The following AOX1 variants were observed in gnomAD, a reference collection of about 807,000 sequenced individuals.
The protein encoded by AOX1 is aldehyde oxidase 1.
AOX1 carries 153 observed loss-of-function variants against 169.5 expected under a neutral mutation model. The ratio of observed to expected loss-of-function variants is 0.90; its 90% CI spans 0.79 to 1.03. The LOEUF (loss-of-function observed/expected upper bound fraction) is 1.03. Ranked by LOEUF, AOX1 falls within the 50% of genes least tolerant of loss-of-function variation. AOX1 has a pLI of 0.00. For synonymous variants in AOX1, 562 were observed against 581.9 expected (o/e 0.97, Z 0.49); for missense variants, 1,656 against 1,663.9 (o/e 1.00, Z 0.08).
At chr2:200,623,084 G>T (rs2034919685) in intron 18 of AOX1, among the ~76,000 whole-genome samples, 1 of 152,144 alleles carries the variant, frequency 6.6e-6, no homozygotes, top group Non-Finnish European at 1.5e-5. Flanking sequence ...AGACATAATA[G>T]TTCAAAGTCA....
intron 20 of AOX1, among the ~76,000 whole-genome samples, chr2:200,632,743 T>C (rs1318396957): frequency 6.6e-6 from 1 of 152,150 alleles, no homozygotes; most frequent in Non-Finnish European, 1.5e-5. Flanking sequence ...AATGTCCTCA[T>C]TTCCCTTTCA....
At chr2:200,666,806 G>A (rs2035932065) in intron 32 of AOX1, 54 bp downstream of exon 32, 2 of 1,286,426 alleles carry the variant, frequency 1.6e-6, no homozygotes, top group Non-Finnish European at 2.2e-6. Context: ...AAAGTGCGGT[G>A]GGGTCTGCAG....
intron 29 of AOX1, among the ~76,000 whole-genome samples, chr2:200,661,275 T>C (rs571311104): frequency 6.6e-6 from 1 of 152,342 alleles, no homozygotes; most frequent in Non-Finnish European, 1.5e-5. Context: ...ATGTCCCATC[T>C]TAATTGAAAA....
At position 200,621,103 on chromosome 2, in the gene AOX1, CTG is replaced by C. The variant is rs1305289417; in HGVS notation, c.1875-13_1875-12del. 6.2e-7 allele frequency: 1 copy of C among 1,607,938 alleles called. No individual in the cohort carries two copies. The highest frequency in any genetic ancestry group is 8.5e-7 in the Non-Finnish European group (1 of 1,178,488). The stretch of plus-strand genomic sequence containing the variant: ...TCTATGGCCACTCTAAGGAGCTCTG[CTG>C]TGTATATCATCTAGGTCTATTGATC... On this transcript the variant is annotated splice_polypyrimidine_tract_variant and intron_variant, in intron 17 of 34. Coordinates refer to ENST00000374700, the MANE Select transcript of AOX1 (RefSeq NM_001159.4).
chr2:200,635,626 T>C (rs763964708), intron 21 of AOX1, among the ~76,000 whole-genome samples: 1 of 152,192 alleles, frequency 6.6e-6, no homozygotes, highest in Non-Finnish European at 1.5e-5. Flanking sequence ...ATGACACCCA[T>C]TCATTTATTT....
chr2:200,620,289 C>T (rs1218461719), intron 16 of AOX1, among the ~76,000 whole-genome samples: 1 of 151,406 alleles, frequency 6.6e-6, no homozygotes, highest in Non-Finnish European at 1.5e-5. Context: ...ACCTCTGCCT[C>T]CCAGGTTCCA....
Position 200,642,692 on chromosome 2 carries a change from A to G in AOX1, c.2738A>G (p.Asn913Ser), listed in dbSNP as rs757648677. 2.4e-5 allele frequency: 38 copies of G among 1,614,008 alleles called. No homozygotes were observed. The highest frequency in any genetic ancestry group is 1.6e-4 in the Middle Eastern group (1 of 6,080). ...LRCRGWACRT[N>S]LPSNTAFRGF... ...TGCCGGGGTTGGGCATGCAGAACCA[A>G]CCTTCCATCCAACACAGCTTTTCGT... The change falls in exon 25 of 35, where the codon AAC becomes AGC. Residue 913 changes from asparagine to serine, a missense_variant. Coordinates refer to ENST00000374700, the MANE Select transcript of AOX1 (RefSeq NM_001159.4).
Position 200,609,172 on chromosome 2 carries a change from C to A in AOX1, c.1059+37C>A, listed in dbSNP as rs139233915. 3.7e-6 allele frequency: 6 copies of A among 1,608,464 alleles called. No individual in the cohort carries two copies. In the East Asian group the frequency reaches 1.1e-4, roughly 30 times the overall value. ...ATGACAGTAAACTCTGGTATGCATCCCTTGGGTGACTCTCCCTGATGAATC... is the reference window on the plus strand; with the variant it reads ...ATGACAGTAAACTCTGGTATGCATCACTTGGGTGACTCTCCCTGATGAATC... On this transcript the variant is annotated intron_variant, in intron 11 of 34. Coordinates refer to ENST00000374700, the MANE Select transcript of AOX1 (RefSeq NM_001159.4).
rs142751903 is a variant in AOX1, at chr2:200,624,943, C to T, written c.2124+960C>T. Among the ~76,000 whole-genome samples the T allele has an allele frequency of 3.6e-3, 551 of 152,230 alleles. 6 individuals carry two copies. The highest frequency in any genetic ancestry group is 0.013 in the African/African-American group (525 of 41,560). On this transcript the variant is annotated intron_variant, in intron 19 of 34. Coordinates refer to ENST00000374700, the MANE Select transcript of AOX1 (RefSeq NM_001159.4). ...GTTGTTCTCTGGGTGACCGGCATGGCCTGAGGCAGAATTGAGGAAACAACC... is the reference window on the plus strand; with the variant it reads ...GTTGTTCTCTGGGTGACCGGCATGGTCTGAGGCAGAATTGAGGAAACAACC...
At chr2:200,600,041 AT>A (rs2034376927) in intron 5 of AOX1, among the ~76,000 whole-genome samples, 1 of 152,186 alleles carries the variant, frequency 6.6e-6, no homozygotes, top group Non-Finnish European at 1.5e-5. Flanking sequence ...CTCACAAAAA[AT>A]TTATAAGATA....
intron 21 of AOX1, among the ~76,000 whole-genome samples, chr2:200,635,708 A>C (rs182685523): frequency 6.6e-6 from 1 of 152,330 alleles, no homozygotes; most frequent in Non-Finnish European, 1.5e-5. Flanking sequence ...GGAAGGAGGA[A>C]TAGCACAATG....
At chr2:200,602,464 G>C in intron 6 of AOX1, 119 bp downstream of exon 6, 1 of 823,158 alleles carries the variant, frequency 1.2e-6, no homozygotes, top group Non-Finnish European at 2.0e-6. Context: ...TTATCTCCAG[G>C]TTTCTAGCTG....
chr2:200,586,501 C>G (rs2034034391), intron 1 of AOX1, among the ~76,000 whole-genome samples: 1 of 152,220 alleles, frequency 6.6e-6, no homozygotes, highest in South Asian at 2.1e-4. Flanking sequence ...CCCAGATCTT[C>G]GTTCCCTCAA....
In AOX1 at chr2:200,590,829, G is replaced by A. The variant is rs570612410; in HGVS notation, c.46-2317G>A. On this transcript the variant is annotated intron_variant, in intron 1 of 34. Coordinates refer to ENST00000374700, the MANE Select transcript of AOX1 (RefSeq NM_001159.4). The stretch of plus-strand genomic sequence containing the variant: ...TCTAGGAACAGACATTGTGAGGTTG[G>A]GGCAGAAGCTTTATGGTGTTATCTG... Among the ~76,000 whole-genome samples the A allele has an allele frequency of 2.6e-5, 4 of 152,216 alleles. No homozygotes were observed. In the South Asian group the frequency reaches 8.3e-4, roughly 32 times the overall value.
intron 7 of AOX1, 23 bp from the exon 8 acceptor site, chr2:200,603,994 T>C: frequency 6.6e-7 from 1 of 1,524,976 alleles, no homozygotes; most frequent in Non-Finnish European, 9.1e-7. Flanking sequence ...ATAACAGTAA[T>C]TTCTGATATG....
At chr2:200,635,032 A>G in intron 21 of AOX1, 117 bp downstream of exon 21, 8 of 1,286,456 alleles carry the variant, frequency 6.2e-6, no homozygotes, top group Non-Finnish European at 8.6e-6. Flanking sequence ...GGATTGCTTG[A>G]ACCCAGGAGC....
intron 10 of AOX1, among the ~76,000 whole-genome samples, chr2:200,608,606 G>T (rs1016821916): frequency 6.6e-6 from 1 of 152,110 alleles, no homozygotes; most frequent in African/African-American, 2.4e-5. Flanking sequence ...TATCTCATAG[G>T]TATGTTCAGA....
intron 6 of AOX1, 59 bp downstream of exon 6, chr2:200,602,404 G>T (rs554836436): frequency 8.2e-6 from 12 of 1,468,450 alleles, no homozygotes; most frequent in African/African-American, 1.4e-5. Flanking sequence ...AAATGGTAAT[G>T]GTTGTCAGTG....
At position 200,654,822 on chromosome 2, in the gene AOX1, G is replaced by T. The variant is rs571296473; in HGVS notation, c.3076-2020G>T. Among the ~76,000 whole-genome samples, 19 of 152,310 alleles carry T rather than the reference G, an allele frequency of 1.2e-4. 1 individual carries two copies. Among genetic ancestry groups the T allele is most frequent in the Admixed American group, 2.6e-4 (4 of 15,292 alleles). ...GTGCTTGTTTTATAGATGAAGCTTTGCAGAATTATCTTTTGTGGCACTAAC... is the reference window on the plus strand; with the variant it reads ...GTGCTTGTTTTATAGATGAAGCTTTTCAGAATTATCTTTTGTGGCACTAAC... On this transcript the variant is annotated intron_variant, in intron 26 of 34. Coordinates refer to ENST00000374700, the MANE Select transcript of AOX1 (RefSeq NM_001159.4).
Sources: allele counts gnomAD v4.1 joint callset (sites outside exome capture counted in the v4.1 genomes callset), GRCh38; gene constraint gnomAD v4.1.1; transcripts MANE v1.5; gene names NCBI Gene and HGNC (gene_info 2026-07-23, HGNC 2026-07-21).